ZNF75A: variants seen among roughly 807,000 people sequenced by gnomAD.
ZNF75A encodes the protein zinc finger protein 75A.
In ZNF75A, 36 loss-of-function variants were observed where a neutral mutation model predicts 46.3. That is an observed-to-expected ratio of 0.78 (90% CI 0.60 to 1.03). The LOEUF is 1.03. Ranked by LOEUF, ZNF75A falls within the 50% of genes least tolerant of loss-of-function variation. The pLI, the probability that ZNF75A is intolerant of heterozygous loss-of-function variation, is 0.00. For missense variants in ZNF75A, 595 were observed against 551.3 expected, an observed-to-expected ratio of 1.08 and a Z score of -0.79; for synonymous variants, 234 against 189.9, an observed-to-expected ratio of 1.23 and a Z score of -1.91.
chr16:3,318,568 A>G lies in ZNF75A; in HGVS notation c.*699A>G, dbSNP rs1231624602. ...AATTTTCTGCAATAAAAGAAACTAG[A>G]CTTGTTAATCCCTGCCTTGCAATGT... is the stretch of plus-strand genomic sequence containing the variant. On this transcript the variant is annotated 3_prime_UTR_variant, in exon 7 of 7. Transcript: ENST00000669516. 1 of 985,334 alleles carries G rather than the reference A, an allele frequency of 1.0e-6. No individual in the cohort carries two copies. The highest frequency in any genetic ancestry group is 1.2e-6 in the Non-Finnish European group (1 of 829,946). The allele number at this position is 985,334 out of a possible 1,614,324, so 61.0% of individuals were successfully genotyped here.
At chr16:3,323,206 G>A (rs1440831098), downstream of ZNF75A, 4 of 718,670 alleles carry the variant, frequency 5.6e-6, no homozygotes, top group East Asian at 1.0e-4. Context: ...TGGCAGATGA[G>A]CTGATTGATG....
intron 5 of ZNF75A, 43 bp downstream of exon 5, chr16:3,313,218 C>A: frequency 6.3e-7 from 1 of 1,595,840 alleles, no homozygotes; most frequent in South Asian, 1.1e-5. Flanking sequence ...GTACTCTATT[C>A]TTGGCTTACT....
At position 3,318,612 on chromosome 16, in the gene ZNF75A, A is replaced by C; in HGVS notation, c.*743A>C. 2 of 985,480 alleles carry C rather than the reference A, an allele frequency of 2.0e-6. No individual in the cohort carries two copies. The highest frequency in any genetic ancestry group is 2.4e-6 in the Non-Finnish European group (2 of 829,930). The allele number at this position is 985,480 out of a possible 1,614,324, so 61.0% of individuals were successfully genotyped here. On this transcript the variant is annotated 3_prime_UTR_variant, in exon 7 of 7. Coordinates refer to ENST00000669516, the MANE Select transcript of ZNF75A (RefSeq NM_001302109.2). ...GCAATGTCAGTAGGATAAAGCAGCT[A>C]TAAAAATTAGTACTTGCCCAAGGCC...
downstream of ZNF75A, among the ~76,000 whole-genome samples, chr16:3,319,795 T>TA (rs1223481843): frequency 4.3e-5 from 5 of 117,228 alleles, no homozygotes; most frequent in African/African-American, 1.3e-4. Flanking sequence ...TTTTTTTTTT[T>TA]TATTTTTTTT....
At chr16:3,307,447 C>T (rs1960374040) in intron 1 of ZNF75A, 1 of 152,206 alleles carries the variant, frequency 6.6e-6, no homozygotes. Context: ...ATTTTGATCT[C>T]ACCGTCTCAG....
rs1428833429 is a variant in ZNF75A, at chr16:3,312,753, C to G, written c.681C>G (p.Val227=). The change falls in exon 4 of 7, where the codon GTC becomes GTG. Residue 227 remains valine (V), a synonymous_variant. Coordinates refer to ENST00000669516, the MANE Select transcript of ZNF75A (RefSeq NM_001302109.2). ...ACTGGACAGTGACACCTGAGCACGT[C>G]TTGCCTGAGTCCCAGGTGAGCTGTG... ...TKDWTVTPEH[V]LPESQSLLTF... is the part of the protein sequence containing the mutation. 13 of 1,082,604 alleles carry G rather than the reference C, an allele frequency of 1.2e-5. No homozygotes were observed. Among genetic ancestry groups the G allele is most frequent in the Non-Finnish European group, 1.5e-5 (13 of 891,704 alleles). 67.1% of individuals were successfully genotyped at this position (1,082,604 alleles called of 1,614,324 possible).
chr16:3,317,844 T>G lies in ZNF75A; in HGVS notation c.1589T>G (p.Leu530Arg). ...RRNFSRRSSLLRHQKLHL is the reference protein window; with the variant it reads ...RRNFSRRSSLRRHQKLHL ...AACTTCAGCAGGCGGTCAAGCCTTCTTAGACACCAGAAACTCCACCTGTGA... is the reference window on the plus strand; with the variant it reads ...AACTTCAGCAGGCGGTCAAGCCTTCGTAGACACCAGAAACTCCACCTGTGA... The change falls in exon 7 of 7, where the codon CTT (leucine) becomes CGT (arginine). Residue 530 changes from leucine to arginine, a missense_variant. Transcript: ENST00000669516. 2 of 1,610,670 alleles carry G rather than the reference T, an allele frequency of 1.2e-6. No homozygotes were observed. The highest frequency in any genetic ancestry group is 1.7e-6 in the Non-Finnish European group (2 of 1,177,860).
chr16:3,315,195 T>G lies in ZNF75A; in HGVS notation c.824-1717T>G, dbSNP rs574156351. On this transcript the variant is annotated intron_variant, in intron 5 of 6. Coordinates refer to ENST00000669516, the MANE Select transcript of ZNF75A (RefSeq NM_001302109.2). ...CAAACAAAGTACTGTCATGTTTTTT[T>G]TTTTTTTTTTTTTTGAGATGGAGCC... is the stretch of plus-strand genomic sequence containing the variant. 1.1e-4 allele frequency: 74 copies of G among 658,836 alleles called. 2 individuals are homozygous for G. In the East Asian group the frequency reaches 5.1e-3, roughly 45 times the overall value. The allele number at this position is 658,836 out of a possible 1,614,324, so 40.8% of individuals were successfully genotyped here.
Position 3,318,067 on chromosome 16 carries a change from G to T in ZNF75A, c.*198G>T. The T allele has an allele frequency of 3.6e-6, 5 of 1,376,164 alleles. No individual in the cohort carries two copies. Among genetic ancestry groups the T allele is most frequent in the Non-Finnish European group, 4.7e-6 (5 of 1,070,032 alleles). The allele number at this position is 1,376,164 out of a possible 1,614,324, so 85.2% of individuals were successfully genotyped here. The stretch of plus-strand genomic sequence containing the variant: ...TTCTGTGGTCACAGAAGTAAACATT[G>T]TTGGCTTTGTATTGATCTCTCCAGT... On this transcript the variant is annotated 3_prime_UTR_variant, in exon 7 of 7. Transcript: ENST00000669516.
chr16:3,319,061 G>C (rs1375765151), downstream of ZNF75A, among the ~76,000 whole-genome samples: 1 of 152,126 alleles, frequency 6.6e-6, no homozygotes, highest in Non-Finnish European at 1.5e-5. Flanking sequence ...ATTCCTTTTA[G>C]AGCTCTTAGG....
At chr16:3,312,945 C>G (rs917129349) in intron 4 of ZNF75A, 104 bp from the exon 5 acceptor site, 1 of 1,407,408 alleles carries the variant, frequency 7.1e-7, no homozygotes, top group Admixed American at 2.9e-5. Context: ...TTAAAAAAAT[C>G]ATGTTCTTTT....
At chr16:3,322,304 C>G (rs2029973519), downstream of ZNF75A, among the ~76,000 whole-genome samples, 1 of 152,188 alleles carries the variant, frequency 6.6e-6, no homozygotes, top group Non-Finnish European at 1.5e-5. Flanking sequence ...TGTGGGTTCA[C>G]TGGGGACCGA....
At chr16:3,312,615 A>T in intron 3 of ZNF75A, 62 bp from the exon 4 acceptor site, 1 of 782,602 alleles carries the variant, frequency 1.3e-6, no homozygotes, top group Non-Finnish European at 1.6e-6. Context: ...TCAGTGTTTT[A>T]GAAATGAGCT....
rs1961317441 is a variant in ZNF75A at position 3,317,583 on chromosome 16, C to G, written c.1328C>G (p.Ser443Ter). ...TGTGATAAGAGGTTTAGATGGAGTT[C>G]AGATCTTAATAAGCACTTAACAACA... The part of the protein sequence containing the change: ...QQCDKRFRWS[S>*]DLNKHLTTHQ... The change falls in exon 7 of 7, where the codon TCA becomes TGA. Residue 443 changes from serine (S) to a stop codon, truncating the protein, a stop_gained. Coordinates refer to ENST00000669516, the MANE Select transcript of ZNF75A (RefSeq NM_001302109.2). LOFTEE classifies it high-confidence loss of function. The G allele has an allele frequency of 1.9e-6, 3 of 1,614,132 alleles. No homozygotes were observed. The highest frequency in any genetic ancestry group is 1.7e-6 in the Non-Finnish European group (2 of 1,180,026).
At chr16:3,309,327 G>T (rs1960534932) in intron 2 of ZNF75A, 3 of 151,694 alleles carry the variant, frequency 2.0e-5, no homozygotes, top group Non-Finnish European at 4.4e-5. Flanking sequence ...ATGATGACCG[G>T]TGCCTGTAAT....
At chr16:3,306,191 C>T (rs1212731007) in intron 1 of ZNF75A, 1 of 152,160 alleles carries the variant, frequency 6.6e-6, no homozygotes, top group Non-Finnish European at 1.5e-5. Context: ...GCTCACGGCT[C>T]TCCTCAGCCC....
chr16:3,316,948 G>T lies in ZNF75A; in HGVS notation c.860G>T (p.Cys287Phe), dbSNP rs556133494. Residue 287 changes from cysteine (C) to phenylalanine (F), a missense_variant, in exon 6 of 7, where the codon TGT becomes TTT. Transcript: ENST00000669516. ...CTCCCCAAACCTAAAGTGATCTCCT[G>T]TCTAGAGCAAGGGGAAGAGCCATGG... ...FVLPKPKVIS[C>F]LEQGEEPWVQ... 1.3e-5 allele frequency: 21 copies of T among 1,613,840 alleles called. No individual in the cohort carries two copies. Among genetic ancestry groups the T allele is most frequent in the African/African-American group, 2.7e-5 (2 of 74,888 alleles).
Position 3,317,598 on chromosome 16 carries a change from A to G in ZNF75A, c.1343A>G (p.His448Arg), listed in dbSNP as rs761362116. The G allele has an allele frequency of 6.2e-7, 1 of 1,614,188 alleles. No individual in the cohort carries two copies. The highest frequency in any genetic ancestry group is 1.7e-5 in the Admixed American group (1 of 60,018). ...RFRWSSDLNK[H>R]LTTHQGIKPY... Reference sequence around the variant, plus strand: ...AGATGGAGTTCAGATCTTAATAAGCACTTAACAACACACCAAGGAATAAAA... The same window carrying G: ...AGATGGAGTTCAGATCTTAATAAGCGCTTAACAACACACCAAGGAATAAAA... The change falls in exon 7 of 7, where the codon CAC becomes CGC. Residue 448 changes from histidine to arginine, a missense_variant. His to Arg is a conservative substitution (Grantham distance 29). Transcript: ENST00000669516.
rs1961372858 is a variant in ZNF75A at position 3,318,208 on chromosome 16, C to G, written c.*339C>G. On this transcript the variant is annotated 3_prime_UTR_variant, in exon 7 of 7. Transcript: ENST00000669516. ...TTCACAGTAGCAGGCTTACCAATTT[C>G]CATAGTCTCATGAGGCCGAAATGAA... 2.0e-6 allele frequency: 2 copies of G among 1,025,388 alleles called. No homozygotes were observed. Among genetic ancestry groups the G allele is most frequent in the African/African-American group, 3.4e-5 (2 of 58,732 alleles). 63.5% of individuals were successfully genotyped at this position (1,025,388 alleles called of 1,614,324 possible).
Sources: allele counts gnomAD v4.1 joint callset (sites outside exome capture counted in the v4.1 genomes callset), GRCh38; gene constraint gnomAD v4.1.1; transcripts MANE v1.5; gene names NCBI Gene and HGNC (gene_info 2026-07-23, HGNC 2026-07-21).